Variants in LYPD6B observed in about 807,000 individuals in gnomAD.
LYPD6B encodes the protein LY6/PLAUR domain containing 6B.
LYPD6B carries 17 observed loss-of-function variants against 22.8 expected under a neutral mutation model. The ratio of observed to expected loss-of-function variants is 0.75; its 90% confidence interval spans 0.51 to 1.12. LYPD6B has a LOEUF of 1.12. LYPD6B is among the 50% of genes most tolerant of loss of function. The pLI is 0.00. For synonymous variants in LYPD6B, 106 were observed against 91.6 expected (o/e 1.16, Z -0.90); for missense variants, 221 against 258.3 (o/e 0.86, Z 0.99).
intron 3 of LYPD6B, among the ~76,000 whole-genome samples, chr2:149,185,706 G>A (rs1692051441): frequency 6.6e-6 from 1 of 152,204 alleles, no homozygotes; most frequent in African/African-American, 2.4e-5. Flanking sequence ...TCTGCAAATG[G>A]AAGGTTTATG....
intron 3 of LYPD6B, among the ~76,000 whole-genome samples, chr2:149,189,367 T>TATATATATATATATATATATATATAA: frequency 2.5e-5 from 2 of 81,018 alleles, no homozygotes; most frequent in Non-Finnish European, 5.4e-5. Context: ...TATATATATA[T>TATATATATATATATATATATATATAA]ACACACACAT....
chr2:149,134,347 A>AGTT (rs757692414), intron 2 of LYPD6B, among the ~76,000 whole-genome samples: 1 of 152,176 alleles, frequency 6.6e-6, no homozygotes. Context: ...TTATTAAAGC[A>AGTT]GTTGTTGTTG....
At chr2:149,164,135 C>T (rs1228551093) in intron 3 of LYPD6B, among the ~76,000 whole-genome samples, 4 of 152,032 alleles carry the variant, frequency 2.6e-5, no homozygotes, top group Admixed American at 6.6e-5. Context: ...AAGATTTAAT[C>T]TCCTCTGGTT....
chr2:149,055,492 A>G (rs1365612483), intron 1 of LYPD6B, among the ~76,000 whole-genome samples: 1 of 152,216 alleles, frequency 6.6e-6, no homozygotes, highest in East Asian at 1.9e-4. Context: ...CATCTTAACA[A>G]TGTAAGTCTT....
chr2:149,191,209 T>C (rs2106058430), intron 3 of LYPD6B, among the ~76,000 whole-genome samples: 1 of 152,304 alleles, frequency 6.6e-6, no homozygotes, highest in South Asian at 2.1e-4. Flanking sequence ...CATCTCTATA[T>C]GTAGCAATAA....
rs1301775904 is a variant in LYPD6B at position 149,207,750 on chromosome 2, A to C, written c.230-564A>C. ...GTAGCTGTACTGGAAGTGCATATGG[A>C]CAGAAACCAGCATGATTTGACGTGC... On this transcript the variant is annotated intron_variant, in intron 4 of 6. Transcript: ENST00000409642. 2.0e-5 allele frequency among the ~76,000 whole-genome samples: 3 copies of C among 152,188 alleles called. 1 individual carries two copies. Among genetic ancestry groups the C allele is most frequent in the Admixed American group, 2.0e-4 (3 of 15,274 alleles).
At chr2:149,099,974 G>A (rs1686113848) in intron 1 of LYPD6B, among the ~76,000 whole-genome samples, 1 of 152,172 alleles carries the variant, frequency 6.6e-6, no homozygotes, top group Non-Finnish European at 1.5e-5. Context: ...TCTCATCATT[G>A]TTTCAGTGAT....
At chr2:149,078,522 AG>A (rs1684977779) in intron 1 of LYPD6B, among the ~76,000 whole-genome samples, 1 of 152,166 alleles carries the variant, frequency 6.6e-6, no homozygotes, top group Non-Finnish European at 1.5e-5. Context: ...ACATAACACA[AG>A]GGGAAACACT....
chr2:149,086,916 C>T (rs75515972), intron 1 of LYPD6B, among the ~76,000 whole-genome samples: 7 of 152,144 alleles, frequency 4.6e-5, no homozygotes, highest in East Asian at 3.9e-4. Flanking sequence ...TAAGGATATC[C>T]GCCATCTTGC....
intron 3 of LYPD6B, 50 bp downstream of exon 3, chr2:149,160,885 C>T (rs1055236599): frequency 7.4e-7 from 1 of 1,357,978 alleles, no homozygotes; most frequent in Non-Finnish European, 1.0e-6. Context: ...TTTGGGAGCT[C>T]TGGTTAAGTT....
At chr2:149,122,767 C>G (rs780166334) in intron 1 of LYPD6B, among the ~76,000 whole-genome samples, 5 of 152,156 alleles carry the variant, frequency 3.3e-5, no homozygotes, top group Non-Finnish European at 7.3e-5. Flanking sequence ...CTGAGGGCCT[C>G]TGAACATTTA....
At chr2:149,046,130 CTTA>C (rs2105264318) in intron 1 of LYPD6B, among the ~76,000 whole-genome samples, 1 of 152,202 alleles carries the variant, frequency 6.6e-6, no homozygotes, top group East Asian at 1.9e-4. Flanking sequence ...TGATCCCTTT[CTTA>C]TTATGTGATG....
At chr2:149,148,365 A>G (rs182827744) in intron 2 of LYPD6B, among the ~76,000 whole-genome samples, 13 of 152,290 alleles carry the variant, frequency 8.5e-5, no homozygotes, top group Admixed American at 7.2e-4. Context: ...GACTGACAAG[A>G]GATTAAAGGA....
At chr2:149,082,783 A>G (rs1292641101) in intron 1 of LYPD6B, among the ~76,000 whole-genome samples, 2 of 152,210 alleles carry the variant, frequency 1.3e-5, no homozygotes, top group South Asian at 2.1e-4. Flanking sequence ...TGGAGGGCCC[A>G]GGCTGGGTGG....
chr2:149,145,794 T>A (rs1356655942), intron 2 of LYPD6B, among the ~76,000 whole-genome samples: 1 of 151,992 alleles, frequency 6.6e-6, no homozygotes, highest in East Asian at 1.9e-4. Context: ...GGTGACCCAG[T>A]GAAAGTGAGG....
chr2:149,144,870 CCT>C (rs1250803239), intron 2 of LYPD6B, among the ~76,000 whole-genome samples: 6 of 152,278 alleles, frequency 3.9e-5, no homozygotes, highest in Non-Finnish European at 8.8e-5. Context: ...ATCTTCCACC[CCT>C]GATTTGTATT....
intron 1 of LYPD6B, among the ~76,000 whole-genome samples, chr2:149,073,796 T>C (rs1428553943): frequency 6.6e-6 from 1 of 151,986 alleles, no homozygotes; most frequent in Non-Finnish European, 1.5e-5. Flanking sequence ...TGCCTGTCTC[T>C]GATCCTTTCC....
intron 1 of LYPD6B, among the ~76,000 whole-genome samples, chr2:149,107,706 T>C (rs919815580): frequency 1.3e-5 from 2 of 152,342 alleles, no homozygotes; most frequent in South Asian, 2.1e-4. Flanking sequence ...TGATTTCTGG[T>C]TTAACTCTAT....
rs59980462 is a variant in LYPD6B at position 149,072,482 on chromosome 2, T to TTTTTATTTTATTTTATTTTATTTTA, written c.-67+33710_-67+33734dup. Reference sequence around the variant, plus strand: ...GAAAGGGAGAATGCTAGGGTGGTTATTTTTATTTTATTTTATTTTATTTTA... The same window carrying TTTTTATTTTATTTTATTTTATTTTA: ...GAAAGGGAGAATGCTAGGGTGGTTATTTTTATTTTATTTTATTTTATTTTATTTTATTTTATTTTATTTTATTTTA... On this transcript the variant is annotated intron_variant, in intron 1 of 6. Coordinates refer to ENST00000409642, the MANE Select transcript of LYPD6B (RefSeq NM_177964.5). Among the ~76,000 whole-genome samples, 530 of 129,916 alleles carry TTTTTATTTTATTTTATTTTATTTTA rather than the reference T, an allele frequency of 4.1e-3. 5 individuals carry two copies. Among genetic ancestry groups the TTTTTATTTTATTTTATTTTATTTTA allele is most frequent in the Non-Finnish European group, 5.8e-3 (349 of 60,552 alleles). 85.2% of individuals were successfully genotyped at this position (129,916 alleles called of 152,430 possible). A position where few individuals can be genotyped will look rare whatever the true frequency, so the allele number is the denominator to read the frequency against.
Sources: gnomAD v4.1 joint callset for allele counts (sites outside exome capture counted in the v4.1 genomes callset) on GRCh38, gnomAD v4.1.1 for gene constraint, MANE v1.5 for transcripts, NCBI Gene and HGNC (gene_info 2026-07-23, HGNC 2026-07-21) for gene names.